Variants in DCAF5 observed in about 807,000 individuals in gnomAD.
DCAF5 encodes the protein DDB1- and CUL4-associated factor 5.
A neutral mutation model predicts 80.7 loss-of-function variants in DCAF5; 9 were observed. The ratio of observed to expected loss-of-function variants is 0.11; its 90% CI spans 0.07 to 0.19. The LOEUF is 0.19. DCAF5 is among the 10% of genes least tolerant of loss of function. DCAF5 has a pLI of 1.00. For synonymous variants in DCAF5, 433 were observed against 461.9 expected (o/e 0.94, Z 0.80); for missense variants, 842 against 1,205.7 (o/e 0.70, Z 4.47).
chr14:69,119,704 CAA>C (rs33936553), intron 2 of DCAF5, among the ~76,000 whole-genome samples: 45,287 of 139,860 alleles, frequency 0.32, 8,798 homozygotes, highest in East Asian at 0.9. Flanking sequence ...GAGACTGTCT[CAA>C]AAAAAAAAAA....
intron 1 of DCAF5, among the ~76,000 whole-genome samples, chr14:69,148,570 A>G (rs1236676900): frequency 3.9e-5 from 6 of 151,932 alleles, no homozygotes; most frequent in African/African-American, 1.5e-4. Context: ...AGGCACGCAC[A>G]TGTAATCCCA....
At chr14:69,071,050 A>G (rs1348980071) in intron 7 of DCAF5, among the ~76,000 whole-genome samples, 7 of 152,038 alleles carry the variant, frequency 4.6e-5, no homozygotes, top group African/African-American at 1.4e-4. Context: ...TGCCCCCCTC[A>G]GCCTCCCAAA....
chr14:69,052,630 TATGGGAACCAGAAGACTTAAGACTA>T lies in DCAF5; in HGVS notation c.*1202_*1226del, dbSNP rs1022526327. 2.0e-5 allele frequency: 3 copies of T among 152,290 alleles called. No homozygotes were observed. Among genetic ancestry groups the T allele is most frequent in the African/African-American group, 7.2e-5 (3 of 41,432 alleles). 9.4% of individuals were successfully genotyped at this position (152,290 alleles called of 1,614,324 possible). On this transcript the variant is annotated 3_prime_UTR_variant, in exon 9 of 9. Coordinates refer to ENST00000341516, the MANE Select transcript of DCAF5 (RefSeq NM_003861.3). Reference sequence around the variant, plus strand: ...TCTACCTCAATAAAACTGAGTCTTTTATGGGAACCAGAAGACTTAAGACTAATGGGAACCAGGAGTCATAAGCCAG... The same window carrying T: ...TCTACCTCAATAAAACTGAGTCTTTTATGGGAACCAGGAGTCATAAGCCAG...
chr14:69,121,867 GAAT>G (rs2040730910), intron 2 of DCAF5, among the ~76,000 whole-genome samples: 1 of 151,732 alleles, frequency 6.6e-6, no homozygotes, highest in South Asian at 2.1e-4. Context: ...AAATCGAATA[GAAT>G]AAAAAAAAAC....
intron 5 of DCAF5, among the ~76,000 whole-genome samples, chr14:69,109,436 G>T (rs796983764): frequency 4.9e-4 from 75 of 151,804 alleles, no homozygotes; most frequent in African/African-American, 1.7e-3. Context: ...CCATGAAATT[G>T]CCACCCAGAT....
chr14:69,065,377 G>A (rs1483174664), intron 7 of DCAF5, among the ~76,000 whole-genome samples: 1 of 152,170 alleles, frequency 6.6e-6, no homozygotes, highest in Non-Finnish European at 1.5e-5. Context: ...TTACAGGCGT[G>A]AGCCACCACA....
intron 5 of DCAF5, among the ~76,000 whole-genome samples, chr14:69,115,226 AGCAAGAGCCAGGTGCCTAC>A (rs1210869672): frequency 6.6e-6 from 1 of 152,180 alleles, no homozygotes; most frequent in Non-Finnish European, 1.5e-5. Flanking sequence ...AGACTGTAAA[AGCAAGAGCCAGGTGCCTAC>A]GCAACAGAAG....
chr14:69,078,901 C>T (rs976137426), intron 6 of DCAF5, among the ~76,000 whole-genome samples: 4 of 151,958 alleles, frequency 2.6e-5, no homozygotes, highest in African/African-American at 9.7e-5. Flanking sequence ...GAGTTTCTGC[C>T]GCCCAGGCTG....
intron 1 of DCAF5, among the ~76,000 whole-genome samples, chr14:69,141,915 T>C (rs2041388170): frequency 6.6e-6 from 1 of 152,192 alleles, no homozygotes; most frequent in South Asian, 2.1e-4. Context: ...TTTTTTAAAT[T>C]GGCCCTAATA....
Position 69,079,080 on chromosome 14 carries a change from T to TG in DCAF5, c.880-3670dup, listed in dbSNP as rs532181987. 1.6e-3 allele frequency among the ~76,000 whole-genome samples: 212 copies of TG among 136,270 alleles called. 5 individuals are homozygous for TG. In the South Asian group the frequency reaches 0.029, roughly 18 times the overall value. The allele number at this position is 136,270 out of a possible 152,430, so 89.4% of individuals were successfully genotyped here. A position where few individuals can be genotyped will look rare whatever the true frequency, so the allele number is the denominator to read the frequency against. Reference sequence around the variant, plus strand: ...ACTTCATGTGGAATTCCTGCTACCCTGCCCCCCATACCACTGCAAACTAAA... The same window carrying TG: ...ACTTCATGTGGAATTCCTGCTACCCTGGCCCCCCATACCACTGCAAACTAAA... On this transcript the variant is annotated intron_variant, in intron 6 of 8. Coordinates refer to ENST00000341516, the MANE Select transcript of DCAF5 (RefSeq NM_003861.3).
At position 69,055,138 on chromosome 14, in the gene DCAF5, C is replaced by G. The variant is rs766382951; in HGVS notation, c.1548G>C (p.Leu516=). Residue 516 remains leucine, a synonymous_variant, in exon 9 of 9, where the codon CTG becomes CTC. Transcript: ENST00000341516. The surrounding 1 kb of genome is among the most constrained non-coding windows in gnomAD (Gnocchi z 5.6). ...GGAGGCGTTTGTCTTGGTAGCGCCG[C>G]AGAGCAGACAGACGCTGCTGGCGAG... is the stretch of plus-strand genomic sequence containing the variant. ...AASRQQRLSA[L]RRYQDKRLLA... 6.2e-7 allele frequency: 1 copy of G among 1,614,238 alleles called. No individual in the cohort carries two copies. The highest frequency in any genetic ancestry group is 1.1e-5 in the South Asian group (1 of 91,088).
chr14:69,115,487 T>C (rs536424508), intron 5 of DCAF5, among the ~76,000 whole-genome samples: 1 of 152,330 alleles, frequency 6.6e-6, no homozygotes, highest in South Asian at 2.1e-4. Context: ...GTTTCCATGA[T>C]ATTCTTCTGC....
chr14:69,075,254 T>C, intron 7 of DCAF5, 91 bp downstream of exon 7: 2 of 920,682 alleles, frequency 2.2e-6, no homozygotes, highest in Non-Finnish European at 3.3e-6. Context: ...TGTTGTCCTC[T>C]ACTGCTAAAG....
At chr14:69,128,258 C>G (rs2040934614) in intron 1 of DCAF5, among the ~76,000 whole-genome samples, 1 of 151,178 alleles carries the variant, frequency 6.6e-6, no homozygotes, top group Non-Finnish European at 1.5e-5. Context: ...ATGATCTCAG[C>G]TCACTGCAGC....
intron 5 of DCAF5, among the ~76,000 whole-genome samples, chr14:69,107,751 A>C (rs903552455): frequency 3.3e-5 from 5 of 152,184 alleles, no homozygotes; most frequent in African/African-American, 1.2e-4. Flanking sequence ...CATTATACTC[A>C]GGGATTAGCA....
chr14:69,105,198 G>A (rs1012907019), intron 5 of DCAF5, among the ~76,000 whole-genome samples: 3 of 152,082 alleles, frequency 2.0e-5, no homozygotes, highest in Admixed American at 1.3e-4. Context: ...GAATGTTAAT[G>A]ATAGTATCAT....
chr14:69,118,293 A>G lies in DCAF5; in HGVS notation c.396-15T>C. The G allele has an allele frequency of 6.2e-7, 1 of 1,613,274 alleles. No individual in the cohort carries two copies. The highest frequency in any genetic ancestry group is 2.2e-5 in the East Asian group (1 of 44,866). On this transcript the variant is annotated splice_polypyrimidine_tract_variant and intron_variant, in intron 3 of 8. Transcript: ENST00000341516. This position sits in a 1 kb window ranked among gnomAD's most constrained non-coding sequence, Gnocchi z 4.0. ...ATGTCTCACTGCTGGGAGATAAGAG[A>G]GCAAGACAGAGGCACACACATACAC...
chr14:69,087,276 G>A (rs963683380), intron 6 of DCAF5, among the ~76,000 whole-genome samples: 2 of 152,200 alleles, frequency 1.3e-5, no homozygotes, highest in African/African-American at 4.8e-5. Context: ...CACTGAGTAT[G>A]TAGAGAAGTG....
rs138717449 is a variant in DCAF5, at chr14:69,133,872, T to G, written c.215-11512A>C. On this transcript the variant is annotated intron_variant, in intron 1 of 8. Transcript: ENST00000341516. ...TATTAAGCAGCAGCAACACCCTAAC[T>G]AGACAGCTAGAGCCCCATAAAATGA... 3.2e-3 allele frequency among the ~76,000 whole-genome samples: 489 copies of G among 152,260 alleles called. 2 individuals carry two copies. The highest frequency in any genetic ancestry group is 0.011 in the African/African-American group (464 of 41,550).
Sources: allele counts gnomAD v4.1 joint callset (sites outside exome capture counted in the v4.1 genomes callset), GRCh38; gene constraint gnomAD v4.1.1; non-coding constraint Gnocchi (gnomAD v3.1); transcripts MANE v1.5; gene names NCBI Gene and HGNC (gene_info 2026-07-23, HGNC 2026-07-21).